Variants in EXOC6B observed in about 807,000 individuals in gnomAD.
The protein encoded by EXOC6B is SEC15 homolog B.
EXOC6B carries 54 observed loss-of-function variants against 113.5 expected under a neutral mutation model. The ratio of observed to expected loss-of-function variants is 0.48; its 90% CI spans 0.38 to 0.60. The LOEUF (loss-of-function observed/expected upper bound fraction) is 0.60. EXOC6B is among the 20% of genes least tolerant of loss of function. The pLI is 0.00. For missense variants in EXOC6B, 797 were observed against 977.5 expected, an observed-to-expected ratio of 0.82 and a Z score of 2.46; for synonymous variants, 357 against 339.0, an observed-to-expected ratio of 1.05 and a Z score of -0.58.
At chr2:72,793,322 T>G (rs941596346) in intron 1 of EXOC6B, among the ~76,000 whole-genome samples, 46 of 152,152 alleles carry the variant, frequency 3.0e-4, no homozygotes, top group African/African-American at 1.1e-3. Context: ...GACCCACAAC[T>G]TTCATACACA....
intron 20 of EXOC6B, among the ~76,000 whole-genome samples, chr2:72,247,372 G>C (rs1194425047): frequency 6.6e-6 from 1 of 152,192 alleles, no homozygotes; most frequent in African/African-American, 2.4e-5. Context: ...ACAGCACTAG[G>C]ATACCTAAAG....
intron 18 of EXOC6B, among the ~76,000 whole-genome samples, chr2:72,424,158 A>G (rs754463735): frequency 3.3e-5 from 5 of 152,176 alleles, no homozygotes; most frequent in Non-Finnish European, 7.4e-5. Flanking sequence ...TTAATATGCC[A>G]TAAGTTAATA....
intron 19 of EXOC6B, among the ~76,000 whole-genome samples, chr2:72,350,746 A>G (rs528175864): frequency 6.6e-6 from 1 of 152,314 alleles, no homozygotes; most frequent in African/African-American, 2.4e-5. Flanking sequence ...CTGCTGAGAG[A>G]AAGAGATTGG....
At chr2:72,788,449 T>C (rs1312100450) in intron 1 of EXOC6B, among the ~76,000 whole-genome samples, 10 of 152,112 alleles carry the variant, frequency 6.6e-5, no homozygotes, top group African/African-American at 2.4e-4. Context: ...CTGCAAACCA[T>C]GAGGTATCGA....
chr2:72,458,895 A>T (rs752489058), intron 18 of EXOC6B, among the ~76,000 whole-genome samples: 1 of 138,324 alleles, frequency 7.2e-6, no homozygotes, highest in Non-Finnish European at 1.7e-5. Flanking sequence ...AAAAGCAATT[A>T]AAAAATATAA....
In EXOC6B at chr2:72,416,421, A is replaced by C. The variant is rs116298507; in HGVS notation, c.1981-36551T>G. ...GACTAATAAACTAAAAAGACTAGTT[A>C]GTTGCCCCTCAAATATCTAACATAT... On this transcript the variant is annotated intron_variant, in intron 18 of 21. Transcript: ENST00000272427. Among the ~76,000 whole-genome samples the C allele has an allele frequency of 4.8e-3, 730 of 152,336 alleles. 8 individuals carry two copies. Among genetic ancestry groups the C allele is most frequent in the African/African-American group, 0.016 (671 of 41,568 alleles).
intron 20 of EXOC6B, among the ~76,000 whole-genome samples, chr2:72,288,212 G>A (rs1007524539): frequency 6.6e-6 from 1 of 152,014 alleles, no homozygotes; most frequent in African/African-American, 2.4e-5. Flanking sequence ...AAGAACTTGA[G>A]TTATCTTTGC....
chr2:72,560,102 A>C (rs748514849), intron 7 of EXOC6B, among the ~76,000 whole-genome samples: 6 of 152,188 alleles, frequency 3.9e-5, no homozygotes, highest in Non-Finnish European at 8.8e-5. Context: ...CCAAGAAGTA[A>C]TACCAACGTA....
intron 20 of EXOC6B, among the ~76,000 whole-genome samples, chr2:72,211,545 C>T (rs1680190670): frequency 6.6e-6 from 1 of 152,164 alleles, no homozygotes; most frequent in South Asian, 2.1e-4. Context: ...GAAACAAAAA[C>T]TTTGTCCTTG....
intron 6 of EXOC6B, among the ~76,000 whole-genome samples, chr2:72,671,090 GA>G (rs1675759322): frequency 6.6e-6 from 1 of 152,114 alleles, no homozygotes; most frequent in Non-Finnish European, 1.5e-5. Context: ...AAATGCTCCA[GA>G]ACACTGGATG....
chr2:72,821,081 T>C (rs2105173013), intron 1 of EXOC6B, among the ~76,000 whole-genome samples: 1 of 152,190 alleles, frequency 6.6e-6, no homozygotes, highest in South Asian at 2.1e-4. Flanking sequence ...GAATAGGATA[T>C]AGTATTACAA....
chr2:72,473,782 T>G (rs1396551677), intron 17 of EXOC6B, among the ~76,000 whole-genome samples: 1 of 152,154 alleles, frequency 6.6e-6, no homozygotes, highest in African/African-American at 2.4e-5. Context: ...TTACTGCGGT[T>G]TGGTGGTTTT....
chr2:72,458,018 T>A (rs1573165374), intron 18 of EXOC6B, among the ~76,000 whole-genome samples: 2 of 152,218 alleles, frequency 1.3e-5, no homozygotes, highest in Admixed American at 1.3e-4. Context: ...ATGTTGCTGC[T>A]GTGATGTGGT....
Position 72,490,983 on chromosome 2 carries a change from AAGAG to A in EXOC6B, c.1665+1331_1665+1334del, listed in dbSNP as rs949636809. 1.8e-4 allele frequency among the ~76,000 whole-genome samples: 27 copies of A among 152,320 alleles called. 1 individual carries two copies. Among genetic ancestry groups the A allele is most frequent in the Admixed American group, 1.4e-3 (21 of 15,294 alleles). On this transcript the variant is annotated intron_variant, in intron 16 of 21. Coordinates refer to ENST00000272427, the MANE Select transcript of EXOC6B (RefSeq NM_015189.3). ...AACAGTTACATGAAGAGTTATAATGAAGAGATAGTTCACAAAATAAATAATAAAC... is the reference window on the plus strand; with the variant it reads ...AACAGTTACATGAAGAGTTATAATGAATAGTTCACAAAATAAATAATAAAC...
intron 17 of EXOC6B, among the ~76,000 whole-genome samples, 195 bp from the exon 18 acceptor site, chr2:72,465,534 T>C (rs1697993104): frequency 6.6e-6 from 1 of 152,210 alleles, no homozygotes; most frequent in Admixed American, 6.5e-5. Flanking sequence ...ATTTTTTGTT[T>C]GCATCCTAAG....
At chr2:72,388,534 T>G (rs1692188657) in intron 18 of EXOC6B, among the ~76,000 whole-genome samples, 1 of 152,290 alleles carries the variant, frequency 6.6e-6, no homozygotes, top group East Asian at 1.9e-4. Flanking sequence ...TGGTGTAATA[T>G]CCTATAAATA....
intron 12 of EXOC6B, 43 bp downstream of exon 12, chr2:72,499,858 T>G: frequency 7.3e-7 from 1 of 1,368,398 alleles, no homozygotes; most frequent in Non-Finnish European, 1.0e-6. Flanking sequence ...GAGCTGATTA[T>G]AATACCAATC....
At chr2:72,659,260 T>C (rs1674831841) in intron 6 of EXOC6B, among the ~76,000 whole-genome samples, 1 of 152,126 alleles carries the variant, frequency 6.6e-6, no homozygotes, top group African/African-American at 2.4e-5. Flanking sequence ...ATAACTCTCA[T>C]GAGATCTCTA....
At position 72,267,658 on chromosome 2, in the gene EXOC6B, C is replaced by G. The variant is rs141662642; in HGVS notation, c.2196+67289G>C. ...TGATGTGCTGCTGGATTCGGTCTGC[C>G]AGTATTTTATTAAGGATTTTTGCAT... On this transcript the variant is annotated intron_variant, in intron 20 of 21. Coordinates refer to ENST00000272427, the MANE Select transcript of EXOC6B (RefSeq NM_015189.3). Among the ~76,000 whole-genome samples, 32 of 152,212 alleles carry G rather than the reference C, an allele frequency of 2.1e-4. No individual in the cohort carries two copies. The East Asian group carries it at 5.8e-3, about 28-fold the overall frequency.
Sources: allele counts gnomAD v4.1 joint callset (sites outside exome capture counted in the v4.1 genomes callset), GRCh38; gene constraint gnomAD v4.1.1; transcripts MANE v1.5; gene names NCBI Gene and HGNC (gene_info 2026-07-23, HGNC 2026-07-21).